Variants in TG observed in about 807,000 individuals in gnomAD.
The protein encoded by TG is thyroglobulin, also known as thyroid hormones.
In TG, 270 loss-of-function variants were observed where a neutral mutation model predicts 324.7. The observed-to-expected ratio is 0.83, with a 90% CI of 0.75 to 0.92. TG has a LOEUF of 0.92. TG is among the 40% of genes least tolerant of loss of function. The pLI is 0.00. For synonymous variants in TG, 1,401 were observed against 1,327.0 expected (o/e 1.06, Z -1.21); for missense variants, 3,591 against 3,456.4 (o/e 1.04, Z -0.98).
rs552152874 is a variant in TG at position 132,899,884 on chromosome 8, G to A, written c.3331-353G>A. Among the ~76,000 whole-genome samples the A allele has an allele frequency of 1.1e-4, 17 of 152,298 alleles. No individual in the cohort carries two copies. The South Asian group carries it at 3.3e-3, about 30-fold the overall frequency. Reference sequence around the variant, plus strand: ...TCTGGAATTAGTGAGGCTGGTCCAGGAGCATGGCTAGGCTTTGGGTCTAGA... The same window carrying A: ...TCTGGAATTAGTGAGGCTGGTCCAGAAGCATGGCTAGGCTTTGGGTCTAGA... On this transcript the variant is annotated intron_variant, in intron 14 of 47. Coordinates refer to ENST00000220616, the MANE Select transcript of TG (RefSeq NM_003235.5).
intron 35 of TG, among the ~76,000 whole-genome samples, chr8:133,000,319 C>G (rs1466178690): frequency 6.6e-6 from 1 of 152,202 alleles, no homozygotes; most frequent in African/African-American, 2.4e-5. Flanking sequence ...GGGACCAACC[C>G]TAGCTCCCTC....
At chr8:133,045,029 TC>T in intron 41 of TG, 2 of 1,614,158 alleles carry the variant, frequency 1.2e-6, no homozygotes, top group Non-Finnish European at 1.7e-6. Flanking sequence ...AAGGTGAGCC[TC>T]GGGGAAATGT....
intron 41 of TG, among the ~76,000 whole-genome samples, chr8:133,041,286 G>A (rs1838180173): frequency 6.6e-6 from 1 of 152,222 alleles, no homozygotes; most frequent in Non-Finnish European, 1.5e-5. Flanking sequence ...GGTTTATGGA[G>A]TGCTCTCTGG....
intron 8 of TG, among the ~76,000 whole-genome samples, chr8:132,883,977 T>C (rs575708035): frequency 6.1e-4 from 93 of 152,320 alleles, no homozygotes; most frequent in African/African-American, 2.0e-3. Context: ...CTTCCTAGCT[T>C]GTAGTGGCTG....
At chr8:133,003,033 G>A (rs1833688098) in intron 35 of TG, 1 of 1,051,136 alleles carries the variant, frequency 9.5e-7, no homozygotes, top group Non-Finnish European at 1.2e-6. Context: ...AAGGCTTGGA[G>A]AACATACCAG....
At chr8:132,894,175 G>A (rs1402794730) in intron 11 of TG, among the ~76,000 whole-genome samples, 2 of 152,168 alleles carry the variant, frequency 1.3e-5, no homozygotes, top group Non-Finnish European at 2.9e-5. Flanking sequence ...GGCACCTGCC[G>A]CTCCCACAAA....
At chr8:133,055,574 G>A (rs1841293062) in intron 41 of TG, among the ~76,000 whole-genome samples, 2 of 152,116 alleles carry the variant, frequency 1.3e-5, no homozygotes, top group South Asian at 4.1e-4. Flanking sequence ...TTCTGCCCAA[G>A]CCTTGGTTTT....
At chr8:132,986,691 C>T (rs1275128352) in intron 35 of TG, among the ~76,000 whole-genome samples, 2 of 152,040 alleles carry the variant, frequency 1.3e-5, no homozygotes, top group South Asian at 2.1e-4. Context: ...CTACTTGGTA[C>T]CTAAAATTCC....
At position 132,887,391 on chromosome 8, in the gene TG, G is replaced by C. The variant is rs1815572067; in HGVS notation, c.2019G>C (p.Met673Ile). 1.2e-6 allele frequency: 2 copies of C among 1,614,086 alleles called. No individual in the cohort carries two copies. Among genetic ancestry groups the C allele is most frequent in the Non-Finnish European group, 1.7e-6 (2 of 1,180,046 alleles). ...AAAGGGCTCGCATGCAAAGCCTCAT[G>C]GGCAGCCAGCCTGCTGGCTCCACCT... ...EKQRARMQSL[M>I]GSQPAGSTLF... The change falls in exon 9 of 48, where the codon ATG becomes ATC. Residue 673 changes from methionine to isoleucine, a missense_variant. By Grantham distance (10) the Met-to-Ile change is conservative. Coordinates refer to ENST00000220616, the MANE Select transcript of TG (RefSeq NM_003235.5).
chr8:133,103,681 G>C (rs1019504908), intron 43 of TG, among the ~76,000 whole-genome samples: 1 of 152,202 alleles, frequency 6.6e-6, no homozygotes, highest in Non-Finnish European at 1.5e-5. Flanking sequence ...CCTTGGCCCT[G>C]AGCAAGCTGT....
In TG at chr8:133,134,742, G is replaced by A. The variant is rs753802423; in HGVS notation, c.8255G>A (p.Arg2752Lys). The change falls in exon 48 of 48, where the codon AGA becomes AAA. Residue 2752 changes from arginine (R) to lysine (K), a missense_variant. Coordinates refer to ENST00000220616, the MANE Select transcript of TG (RefSeq NM_003235.5). ...GAGTTGACGGCTGGATCTGGGCTAA[G>A]AGAAGATCTCCTAAGCCTCCAGGAA... ...EEELTAGSGL[R>K]EDLLSLQEPG... 6.2e-7 allele frequency: 1 copy of A among 1,614,136 alleles called. No individual in the cohort carries two copies. Among genetic ancestry groups the A allele is most frequent in the Non-Finnish European group, 8.5e-7 (1 of 1,180,020 alleles).
At chr8:132,982,802 G>T (rs1367505438) in intron 34 of TG, among the ~76,000 whole-genome samples, 1 of 152,218 alleles carries the variant, frequency 6.6e-6, no homozygotes, top group Non-Finnish European at 1.5e-5. Flanking sequence ...GCCTTGCCCA[G>T]TTCACAGAGT....
At chr8:132,917,888 A>T (rs1345106647) in intron 20 of TG, among the ~76,000 whole-genome samples, 1 of 51,128 alleles carries the variant, frequency 2.0e-5, no homozygotes, top group East Asian at 7.1e-4. Flanking sequence ...CGGTTTTTGC[A>T]ATTTTTTTTT....
chr8:133,060,344 T>C, intron 41 of TG: 6 of 1,545,982 alleles, frequency 3.9e-6, no homozygotes, highest in Non-Finnish European at 5.2e-6. Context: ...AAGATGAGAT[T>C]GGTGAAGATT....
intron 34 of TG, among the ~76,000 whole-genome samples, chr8:132,973,298 T>C (rs1249233781): frequency 6.6e-6 from 1 of 152,198 alleles, no homozygotes; most frequent in Admixed American, 6.5e-5. Context: ...ATGTACCACA[T>C]GGTAGTCCCA....
At chr8:132,924,696 C>T (rs1821578847) in intron 22 of TG, among the ~76,000 whole-genome samples, 2 of 152,278 alleles carry the variant, frequency 1.3e-5, no homozygotes, top group South Asian at 4.1e-4. Flanking sequence ...AGTTTAATCC[C>T]AGTGGTGCCT....
chr8:132,888,236 G>T lies in TG; in HGVS notation c.2429G>T (p.Arg810Ile). 1 of 1,614,228 alleles carries T rather than the reference G, an allele frequency of 6.2e-7. No homozygotes were observed. Among genetic ancestry groups the T allele is most frequent in the South Asian group, 1.1e-5 (1 of 91,080 alleles). ...CTGCTAGTGAAGATCATGAGCTACA[G>T]AGAAGCAGCTTCCGGAAACTTCAGT... ...AKLLVKIMSYREAASGNFSLF... is the reference protein window; with the variant it reads ...AKLLVKIMSYIEAASGNFSLF... The change falls in exon 10 of 48, where the codon AGA (arginine) becomes ATA (isoleucine). Residue 810 changes from arginine (R) to isoleucine (I), a missense_variant. By Grantham distance (97) the Arg-to-Ile change is moderately conservative (BLOSUM62 -3). Coordinates refer to ENST00000220616, the MANE Select transcript of TG (RefSeq NM_003235.5).
chr8:132,988,820 G>A, intron 35 of TG: 1 of 985,388 alleles, frequency 1.0e-6, no homozygotes. Flanking sequence ...CCAAATGTGG[G>A]ATCTCCTAAG....
intron 35 of TG, among the ~76,000 whole-genome samples, chr8:132,991,507 C>T (rs28406375): frequency 0.17 from 25,279 of 152,238 alleles, 2,610 homozygotes; most frequent in Middle Eastern, 0.31. Flanking sequence ...TGTCTAAATA[C>T]GCACAGAGCT....
Sources: gnomAD v4.1 joint callset for allele counts (sites outside exome capture counted in the v4.1 genomes callset) on GRCh38, gnomAD v4.1.1 for gene constraint, MANE v1.5 for transcripts, NCBI Gene and HGNC (gene_info 2026-07-23, HGNC 2026-07-21) for gene names.